CSMD1: variants seen among roughly 807,000 people sequenced by gnomAD.
CSMD1 encodes the protein CUB and Sushi multiple domains 1.
A neutral mutation model predicts 417.5 loss-of-function variants in CSMD1; 213 were observed. The ratio of observed to expected loss-of-function variants is 0.51; its 90% CI spans 0.46 to 0.57. The LOEUF is 0.57. Among genes scored for constraint, CSMD1 ranks in the 20% least tolerant of loss-of-function variants. The probability of loss-of-function intolerance (pLI) is 0.00; values close to 1 mark genes in which losing one functional copy is unlikely to be tolerated. For synonymous variants in CSMD1, 2,862 were observed against 1,736.8 expected, an observed-to-expected ratio of 1.65 and a Z score of -16.11; for missense variants, 6,923 against 4,529.7, an observed-to-expected ratio of 1.53 and a Z score of -15.17.
At chr8:3,986,952 A>C (rs944445257) in intron 5 of CSMD1, among the ~76,000 whole-genome samples, 1 of 152,010 alleles carries the variant, frequency 6.6e-6, no homozygotes, top group African/African-American at 2.4e-5. Context: ...AGGGCGTTTC[A>C]CCATGCAGTT....
At chr8:3,059,192 A>T (rs1306500725) in intron 49 of CSMD1, among the ~76,000 whole-genome samples, 1 of 151,924 alleles carries the variant, frequency 6.6e-6, no homozygotes, top group East Asian at 1.9e-4. Flanking sequence ...GCTTGTTAAG[A>T]ACTAAAAAAA....
intron 3 of CSMD1, among the ~76,000 whole-genome samples, chr8:4,170,843 C>T (rs578253229): frequency 6.6e-6 from 1 of 151,882 alleles, no homozygotes; most frequent in South Asian, 2.1e-4. Context: ...ATAACATAAG[C>T]ATGAATTCCT....
intron 1 of CSMD1, among the ~76,000 whole-genome samples, chr8:4,675,647 C>G (rs1237039071): frequency 6.6e-6 from 1 of 152,180 alleles, no homozygotes; most frequent in Non-Finnish European, 1.5e-5. Flanking sequence ...AGCAGGATAT[C>G]TTTCTGGCAA....
intron 3 of CSMD1, among the ~76,000 whole-genome samples, chr8:4,276,589 A>C (rs1254109714): frequency 1.3e-5 from 2 of 152,200 alleles, no homozygotes; most frequent in Non-Finnish European, 2.9e-5. Flanking sequence ...CTTTAAGTAT[A>C]ATAAAAATAA....
chr8:4,903,980 T>C (rs904256628), intron 1 of CSMD1, among the ~76,000 whole-genome samples: 4 of 152,210 alleles, frequency 2.6e-5, no homozygotes, highest in Non-Finnish European at 5.9e-5. Flanking sequence ...TCATAAAGTG[T>C]AAAATCATAT....
intron 1 of CSMD1, among the ~76,000 whole-genome samples, chr8:4,658,620 C>T (rs1277417447): frequency 6.6e-6 from 1 of 152,030 alleles, no homozygotes; most frequent in Non-Finnish European, 1.5e-5. Context: ...TGCGGAGTAT[C>T]CACAATGAAA....
chr8:3,458,552 A>G (rs1424975216), intron 12 of CSMD1, among the ~76,000 whole-genome samples: 1 of 152,180 alleles, frequency 6.6e-6, no homozygotes, highest in Non-Finnish European at 1.5e-5. Flanking sequence ...TGTTGTTATT[A>G]CTTGTTTGTT....
intron 7 of CSMD1, among the ~76,000 whole-genome samples, chr8:3,659,438 G>C (rs1165953956): frequency 1.3e-5 from 2 of 152,162 alleles, no homozygotes; most frequent in African/African-American, 2.4e-5. Context: ...AATTATCTGA[G>C]ACACTACTTA....
chr8:4,403,935 G>T (rs1027029875), intron 3 of CSMD1, among the ~76,000 whole-genome samples: 1 of 152,086 alleles, frequency 6.6e-6, no homozygotes, highest in Non-Finnish European at 1.5e-5. Context: ...TTCGCCTTTT[G>T]AAGTGTCCTC....
chr8:4,628,435 T>C (rs568906780), intron 2 of CSMD1, among the ~76,000 whole-genome samples: 1 of 64,396 alleles, frequency 1.6e-5, no homozygotes, highest in Admixed American at 2.3e-4. Flanking sequence ...TATACACATA[T>C]ACACATATAT....
chr8:3,069,157 C>G (rs538498802), intron 49 of CSMD1, among the ~76,000 whole-genome samples: 1 of 152,006 alleles, frequency 6.6e-6, no homozygotes, highest in East Asian at 1.9e-4. Context: ...GGGGCTGGGC[C>G]GGGCGCAGTG....
chr8:3,890,836 C>T (rs1009174583), intron 5 of CSMD1, among the ~76,000 whole-genome samples: 1 of 152,032 alleles, frequency 6.6e-6, no homozygotes, highest in Non-Finnish European at 1.5e-5. Flanking sequence ...AAATAAAATG[C>T]TCATACTCAG....
intron 9 of CSMD1, among the ~76,000 whole-genome samples, chr8:3,577,022 A>G (rs920598137): frequency 6.6e-6 from 1 of 152,208 alleles, no homozygotes. Flanking sequence ...CAAGCTTTTA[A>G]AAAGTACATC....
chr8:4,531,116 T>C (rs555827960), intron 2 of CSMD1, among the ~76,000 whole-genome samples: 22 of 152,314 alleles, frequency 1.4e-4, no homozygotes, highest in Admixed American at 9.1e-4. Flanking sequence ...GCGAGTAGAA[T>C]ACAGATATGT....
At chr8:3,284,063 G>C in intron 26 of CSMD1, 81 bp downstream of exon 26, 1 of 1,143,906 alleles carries the variant, frequency 8.7e-7, no homozygotes, top group Non-Finnish European at 1.3e-6. Context: ...GGAGACGCTG[G>C]TGAATATAAA....
chr8:2,948,943 G>C (rs556606947), intron 68 of CSMD1, among the ~76,000 whole-genome samples: 1 of 149,924 alleles, frequency 6.7e-6, no homozygotes, highest in Non-Finnish European at 1.5e-5. Context: ...TTATATGTTT[G>C]TTGGCCACTT....
intron 30 of CSMD1, among the ~76,000 whole-genome samples, chr8:3,209,898 T>C (rs775869418): frequency 1.3e-5 from 2 of 152,048 alleles, no homozygotes; most frequent in Admixed American, 6.6e-5. Context: ...TAGAACCAAA[T>C]TGAGTAAACA....
intron 3 of CSMD1, among the ~76,000 whole-genome samples, chr8:4,241,536 C>T (rs145962142): frequency 1.3e-5 from 2 of 152,162 alleles, no homozygotes; most frequent in Non-Finnish European, 1.5e-5. Context: ...CTCTAGTGCA[C>T]CACTCTATGT....
intron 1 of CSMD1, among the ~76,000 whole-genome samples, chr8:4,974,082 G>A (rs61110616): frequency 0.027 from 4,125 of 152,206 alleles, 97 homozygotes; most frequent in East Asian, 0.12. Context: ...GAGTAGTGGT[G>A]CGATCTTGGC....
Sources: gnomAD v4.1 joint callset for allele counts (sites outside exome capture counted in the v4.1 genomes callset) on GRCh38, gnomAD v4.1.1 for gene constraint, MANE v1.5 for transcripts, NCBI Gene and HGNC (gene_info 2026-07-23, HGNC 2026-07-21) for gene names.